The following MAP4K5 variants were observed in gnomAD, a reference collection of about 807,000 sequenced individuals.
The protein encoded by MAP4K5 is MAPK/ERK kinase kinase kinase 5.
In MAP4K5, 82 loss-of-function variants were observed where a neutral mutation model predicts 135.6. The observed-to-expected ratio is 0.60, with a 90% CI of 0.51 to 0.73. The LOEUF is 0.73. Ranked by LOEUF, MAP4K5 falls within the 30% of genes least tolerant of loss-of-function variation. The pLI, the probability that MAP4K5 is intolerant of heterozygous loss-of-function variation, is 0.00. For missense variants in MAP4K5, 907 were observed against 1,010.9 expected (o/e 0.90, Z 1.39); for synonymous variants, 347 against 335.0 (o/e 1.04, Z -0.39).
At chr14:50,485,252 C>T (rs921522443) in intron 5 of MAP4K5, among the ~76,000 whole-genome samples, 5 of 152,098 alleles carry the variant, frequency 3.3e-5, no homozygotes, top group African/African-American at 1.2e-4. Flanking sequence ...CGTAACTTCC[C>T]TTCTGTGAGT....
At position 50,437,529 on chromosome 14, in the gene MAP4K5, A is replaced by T; in HGVS notation, c.1829T>A (p.Phe610Tyr). Residue 610 changes from phenylalanine to tyrosine, a missense_variant, in exon 26 of 33, where the codon TTC (phenylalanine) becomes TAC (tyrosine). Transcript: ENST00000682126. ...ATCAGGAATCTTTGTTGTTAAAGCG[A>T]ATTTTCTGAAAACGTAAGACGATAT... is the stretch of plus-strand genomic sequence containing the variant. ...RFPDRILPRK[F>Y]ALTTKIPDTK... is the part of the protein sequence containing the mutation. 1 of 1,597,278 alleles carries T rather than the reference A, an allele frequency of 6.3e-7. No individual in the cohort carries two copies.
At chr14:50,422,602 G>A (rs931014060) in intron 32 of MAP4K5, among the ~76,000 whole-genome samples, 1 of 151,954 alleles carries the variant, frequency 6.6e-6, no homozygotes, top group African/African-American at 2.4e-5. Flanking sequence ...AAAGAAGTAG[G>A]CAGTAGATTT....
At position 50,420,112 on chromosome 14, in the gene MAP4K5, A is replaced by AT. The variant is rs767663369; in HGVS notation, c.2454-7dup. 7.0e-5 allele frequency: 111 copies of AT among 1,579,716 alleles called. No homozygotes were observed. In the East Asian group the frequency reaches 1.4e-3, roughly 20 times the overall value. On this transcript the variant is annotated splice_polypyrimidine_tract_variant and splice_region_variant and intron_variant, in intron 32 of 32. Transcript: ENST00000682126. ...TACTTTCCAAAACGACAACCCTGTAATTAAACCAAAACAAAGGGCTTAAGA... is the reference window on the plus strand; with the variant it reads ...TACTTTCCAAAACGACAACCCTGTAATTTAAACCAAAACAAAGGGCTTAAGA...
chr14:50,557,605 G>A (rs924256606), intron 1 of MAP4K5, among the ~76,000 whole-genome samples: 2 of 152,106 alleles, frequency 1.3e-5, no homozygotes, highest in African/African-American at 4.8e-5. Context: ...GGGCATTCAG[G>A]TTGTTTCCAG....
intron 3 of MAP4K5, among the ~76,000 whole-genome samples, chr14:50,501,780 G>A (rs1299320362): frequency 2.0e-5 from 3 of 152,086 alleles, no homozygotes; most frequent in Non-Finnish European, 4.4e-5. Context: ...AGTCACAATA[G>A]TAAGGGAAAG....
chr14:50,542,306 A>G (rs955123877), intron 2 of MAP4K5, among the ~76,000 whole-genome samples: 15 of 146,604 alleles, frequency 1.0e-4, no homozygotes, highest in Non-Finnish European at 1.8e-4. Flanking sequence ...GGTTGGGGGC[A>G]AGGGGAGAGA....
Position 50,477,053 on chromosome 14 carries a change from G to A in MAP4K5, c.379-747C>T, listed in dbSNP as rs566548034. ...CTCAAATTGTGATTGGGGTTGCACTGAATCTACAGAACAATTTGTGAAGAA... is the reference window on the plus strand; with the variant it reads ...CTCAAATTGTGATTGGGGTTGCACTAAATCTACAGAACAATTTGTGAAGAA... On this transcript the variant is annotated intron_variant, in intron 6 of 32. Coordinates refer to ENST00000682126, the MANE Select transcript of MAP4K5 (RefSeq NM_006575.6). Among the ~76,000 whole-genome samples the A allele has an allele frequency of 2.0e-5, 3 of 152,270 alleles. No individual in the cohort carries two copies. In the South Asian group the frequency reaches 6.2e-4, roughly 32 times the overall value.
At chr14:50,440,497 C>A in intron 21 of MAP4K5, 56 bp from the exon 22 acceptor site, 1 of 891,232 alleles carries the variant, frequency 1.1e-6, no homozygotes, top group Non-Finnish European at 1.8e-6. Flanking sequence ...AAATCATTCA[C>A]TAAAATAATG....
At chr14:50,538,477 A>G (rs2038520938) in intron 2 of MAP4K5, among the ~76,000 whole-genome samples, 1 of 152,234 alleles carries the variant, frequency 6.6e-6, no homozygotes, top group African/African-American at 2.4e-5. Context: ...TCAACTCACA[A>G]ATTGATTTTG....
At chr14:50,423,385 C>CT (rs2139613569) in intron 31 of MAP4K5, among the ~76,000 whole-genome samples, 1 of 150,804 alleles carries the variant, frequency 6.6e-6, no homozygotes, top group South Asian at 2.1e-4. Context: ...GTCAGGTACT[C>CT]TACTTAGAAG....
At chr14:50,420,822 TG>T (rs1387533602) in intron 32 of MAP4K5, among the ~76,000 whole-genome samples, 2 of 151,544 alleles carry the variant, frequency 1.3e-5, no homozygotes, top group East Asian at 3.9e-4. Context: ...TAGTATGAAA[TG>T]GGGCCCCTCT....
intron 1 of MAP4K5, among the ~76,000 whole-genome samples, chr14:50,558,272 T>C (rs906513082): frequency 6.6e-6 from 1 of 152,154 alleles, no homozygotes; most frequent in East Asian, 1.9e-4. Flanking sequence ...GGCATGAGAA[T>C]CGCTTGAACC....
chr14:50,471,316 T>C (rs1413189802), intron 9 of MAP4K5, among the ~76,000 whole-genome samples: 1 of 152,122 alleles, frequency 6.6e-6, no homozygotes, highest in Non-Finnish European at 1.5e-5. Context: ...TCAGAATATA[T>C]ATATTTTTTA....
At chr14:50,495,405 A>G (rs958160789) in intron 3 of MAP4K5, among the ~76,000 whole-genome samples, 81 of 152,344 alleles carry the variant, frequency 5.3e-4, no homozygotes, top group African/African-American at 1.9e-3. Context: ...TACAATTAAA[A>G]AAAGCAGAAA....
In MAP4K5 at chr14:50,464,005, T is replaced by A. The variant is rs2036774074; in HGVS notation, c.819+47A>T. On this transcript the variant is annotated intron_variant, in intron 12 of 32. Transcript: ENST00000682126. ...TAAATACTTTTGTTCTACTGATATG[T>A]CTAATTTATGACTATAGGAAGACCC... 3 of 1,036,224 alleles carry A rather than the reference T, an allele frequency of 2.9e-6. No homozygotes were observed. In the East Asian group the frequency reaches 7.9e-5, roughly 27 times the overall value. The allele number at this position is 1,036,224 out of a possible 1,614,324, so 64.2% of individuals were successfully genotyped here. A position where few individuals can be genotyped will look rare whatever the true frequency, so the allele number is the denominator to read the frequency against.
intron 1 of MAP4K5, chr14:50,560,013 G>T: frequency 1.8e-6 from 1 of 567,794 alleles, no homozygotes; most frequent in Non-Finnish European, 3.2e-6. Flanking sequence ...CGGTCTGGGG[G>T]TGGACTGAGG....
At chr14:50,492,529 G>A (rs1312538092) in intron 3 of MAP4K5, among the ~76,000 whole-genome samples, 1 of 150,550 alleles carries the variant, frequency 6.6e-6, no homozygotes, top group African/African-American at 2.5e-5. Context: ...AGGAGTTCAA[G>A]GCTGCAGTGA....
Position 50,424,829 on chromosome 14 carries a change from T to C in MAP4K5, c.2397+1078A>G, listed in dbSNP as rs145342247. On this transcript the variant is annotated intron_variant, in intron 31 of 32. Coordinates refer to ENST00000682126, the MANE Select transcript of MAP4K5 (RefSeq NM_006575.6). The stretch of plus-strand genomic sequence containing the variant: ...AACCATAGGAGTGACATAATGAAAA[T>C]AGCATTTAAGAATAATTAACCATAT... Among the ~76,000 whole-genome samples, 909 of 150,154 alleles carry C rather than the reference T, an allele frequency of 6.1e-3. 2 individuals are homozygous for C. The highest frequency in any genetic ancestry group is 8.5e-3 in the Non-Finnish European group (576 of 67,710).
intron 1 of MAP4K5, among the ~76,000 whole-genome samples, chr14:50,557,293 C>T (rs890281223): frequency 6.6e-6 from 1 of 152,220 alleles, no homozygotes; most frequent in Non-Finnish European, 1.5e-5. Flanking sequence ...CCCTACTACC[C>T]TCTTCCCATT....
Sources: allele counts gnomAD v4.1 joint callset (sites outside exome capture counted in the v4.1 genomes callset), GRCh38; gene constraint gnomAD v4.1.1; transcripts MANE v1.5; gene names NCBI Gene and HGNC (gene_info 2026-07-23, HGNC 2026-07-21).